MYO1H: variants seen among roughly 807,000 people sequenced by gnomAD.
MYO1H encodes the protein unconventional myosin-Ih.
A neutral mutation model predicts 149.3 loss-of-function variants in MYO1H; 118 were observed. That is an observed-to-expected ratio of 0.79 (90% CI 0.68 to 0.92). The LOEUF (loss-of-function observed/expected upper bound fraction) is 0.92, where lower values mean the gene tolerates loss of function less well. Ranked by LOEUF, MYO1H falls within the 40% of genes least tolerant of loss-of-function variation. MYO1H has a pLI of 0.00. For missense variants in MYO1H, 1,212 were observed against 1,280.7 expected, an observed-to-expected ratio of 0.95 and a Z score of 0.82; for synonymous variants, 447 against 465.2, an observed-to-expected ratio of 0.96 and a Z score of 0.50.
intron 1 of MYO1H, among the ~76,000 whole-genome samples, chr12:109,376,295 G>A (rs892500712): frequency 6.6e-6 from 1 of 152,142 alleles, no homozygotes; most frequent in Non-Finnish European, 1.5e-5. Context: ...CACTTTCCAT[G>A]TCTATATATT....
exon 1 of MYO1H, chr12:109,347,968 C>T (rs1169570014): frequency 7.5e-6 from 3 of 398,884 alleles, no homozygotes; most frequent in Non-Finnish European, 1.3e-5. Context: ...GTGATGGAAT[C>T]CAAGGTAATG....
intron 10 of MYO1H, 80 bp from the exon 11 acceptor site, chr12:109,409,477 C>T: frequency 4.1e-6 from 5 of 1,232,382 alleles, no homozygotes; most frequent in Non-Finnish European, 3.6e-6. Flanking sequence ...CGCCAAGTCC[C>T]AGTTTAGGGG....
chr12:109,318,976 T>TTTTTGTTTG, the MYO1H span, among the ~76,000 whole-genome samples: 13 of 135,984 alleles, frequency 9.6e-5, no homozygotes, highest in African/African-American at 3.7e-4. Context: ...GGTTTTGTTT[T>TTTTTGTTTG]TTTTTTTTTT....
At chr12:109,446,333 T>G in intron 31 of MYO1H, 1 of 985,360 alleles carries the variant, frequency 1.0e-6, no homozygotes. Context: ...GAAAACGACA[T>G]GTTAAAAGCA....
chr12:109,324,306 C>A, the MYO1H span, among the ~76,000 whole-genome samples: 1 of 152,160 alleles, frequency 6.6e-6, no homozygotes, highest in Non-Finnish European at 1.5e-5. Context: ...GCCCCGGAAG[C>A]CACACAGTGT....
chr12:109,319,865 G>GC, the MYO1H span, among the ~76,000 whole-genome samples: 1 of 152,128 alleles, frequency 6.6e-6, no homozygotes, highest in South Asian at 2.1e-4. Context: ...GAGCAAAATT[G>GC]CCCCCAGCTT....
At chr12:109,341,502 G>A in the MYO1H span, among the ~76,000 whole-genome samples, 1 of 152,216 alleles carries the variant, frequency 6.6e-6, no homozygotes, top group Non-Finnish European at 1.5e-5. Flanking sequence ...TAGCAAGGGA[G>A]TCAGCCACCA....
chr12:109,418,585 G>A (rs1370404198), intron 15 of MYO1H, among the ~76,000 whole-genome samples: 1 of 151,912 alleles, frequency 6.6e-6, no homozygotes, highest in African/African-American at 2.4e-5. Flanking sequence ...AGTCTCGCCT[G>A]TGGCCCAGGC....
chr12:109,365,096 C>G (rs1018077635), intron 1 of MYO1H, among the ~76,000 whole-genome samples: 1 of 152,112 alleles, frequency 6.6e-6, no homozygotes, highest in Non-Finnish European at 1.5e-5. Context: ...CATAGTAAGA[C>G]ATTGTCTCTA....
Position 109,396,814 on chromosome 12 carries a change from G to GTTTTTTTTTTTTTTTTTT in MYO1H, c.489+245_489+262dup, listed in dbSNP as rs60551691. Among the ~76,000 whole-genome samples, 132 of 51,070 alleles carry GTTTTTTTTTTTTTTTTTT rather than the reference G, an allele frequency of 2.6e-3. 13 individuals are homozygous for GTTTTTTTTTTTTTTTTTT. Among genetic ancestry groups the GTTTTTTTTTTTTTTTTTT allele is most frequent in the Non-Finnish European group, 3.7e-3 (93 of 25,110 alleles). The allele number at this position is 51,070 out of a possible 152,430, so 33.5% of individuals were successfully genotyped here. ...GACATTTGGTTTTTGTTTTGGTTTCGTTTTTTTTTTTTTTTTTTTTTTTTT... is the reference window on the plus strand; with the variant it reads ...GACATTTGGTTTTTGTTTTGGTTTCGTTTTTTTTTTTTTTTTTTTTTTTTTTTTTTTTTTTTTTTTTTT... On this transcript the variant is annotated intron_variant, in intron 4 of 31. Coordinates refer to ENST00000310903, the Ensembl canonical transcript of MYO1H.
chr12:109,418,264 GA>G (rs1448009936), intron 15 of MYO1H, among the ~76,000 whole-genome samples: 1 of 151,890 alleles, frequency 6.6e-6, no homozygotes, highest in Non-Finnish European at 1.5e-5. Flanking sequence ...TTGAAGCACA[GA>G]AGTTTTTAGT....
chr12:109,440,955 T>G (rs938954534), intron 25 of MYO1H, 128 bp downstream of exon 25: 7 of 696,380 alleles, frequency 1.0e-5, no homozygotes, highest in Admixed American at 7.2e-5. Flanking sequence ...CTTTGAAATG[T>G]TCAAGATAAT....
chr12:109,336,060 A>G, the MYO1H span, among the ~76,000 whole-genome samples: 1 of 150,510 alleles, frequency 6.6e-6, no homozygotes, highest in Non-Finnish European at 1.5e-5. Flanking sequence ...GGCTCACTGC[A>G]TCCTCAAACC....
intron 26 of MYO1H, among the ~76,000 whole-genome samples, chr12:109,441,922 C>T (rs1464708895): frequency 6.6e-6 from 1 of 152,162 alleles, no homozygotes; most frequent in African/African-American, 2.4e-5. Context: ...TGGTGTCCAC[C>T]TGTAGTCCCA....
chr12:109,391,417 C>A (rs957161072), intron 2 of MYO1H, among the ~76,000 whole-genome samples: 1 of 152,134 alleles, frequency 6.6e-6, no homozygotes, highest in Non-Finnish European at 1.5e-5. Context: ...GATCTCGTTC[C>A]TTTTTATGGC....
intron 15 of MYO1H, among the ~76,000 whole-genome samples, chr12:109,418,220 A>G (rs7955838): frequency 0.055 from 8,359 of 151,544 alleles, 729 homozygotes; most frequent in African/African-American, 0.19. Context: ...CTCCAGTTCT[A>G]TGAGTTGTCT....
At chr12:109,373,272 T>C (rs1197548195) in intron 1 of MYO1H, among the ~76,000 whole-genome samples, 1 of 152,150 alleles carries the variant, frequency 6.6e-6, no homozygotes, top group Non-Finnish European at 1.5e-5. Flanking sequence ...CGTCTTTTTC[T>C]TGATTTTAAG....
At chr12:109,413,447 T>C (rs890461166) in intron 14 of MYO1H, among the ~76,000 whole-genome samples, 1 of 152,204 alleles carries the variant, frequency 6.6e-6, no homozygotes, top group Non-Finnish European at 1.5e-5. Context: ...TGTTGTAGAA[T>C]ACTGAAAGGA....
At chr12:109,441,553 G>A in intron 25 of MYO1H, 62 bp from the exon 26 acceptor site, 1 of 1,133,112 alleles carries the variant, frequency 8.8e-7, no homozygotes, top group Non-Finnish European at 1.3e-6. Context: ...TGGGTCTAGA[G>A]CTCTTCTATC....
Sources: allele counts gnomAD v4.1 joint callset (sites outside exome capture counted in the v4.1 genomes callset), GRCh38; gene constraint gnomAD v4.1.1; transcripts MANE v1.5; gene names NCBI Gene and HGNC (gene_info 2026-07-23, HGNC 2026-07-21).